SHISA9: variants seen among roughly 807,000 people sequenced by gnomAD.
The protein encoded by SHISA9 is protein shisa-9.
Under a neutral mutation model 38.0 loss-of-function variants are expected in SHISA9, and 13 were observed. The observed-to-expected ratio is 0.34, with a 90% CI of 0.22 to 0.54. The LOEUF is 0.54. SHISA9 is among the 20% of genes least tolerant of loss of function. The pLI is 0.91. For synonymous variants in SHISA9, 275 were observed against 242.0 expected (o/e 1.14, Z -1.27); for missense variants, 538 against 575.8 (o/e 0.93, Z 0.67).
At chr16:12,968,845 G>A (rs2072015903) in intron 2 of SHISA9, among the ~76,000 whole-genome samples, 2 of 152,164 alleles carry the variant, frequency 1.3e-5, no homozygotes, top group African/African-American at 4.8e-5. Context: ...GAGTGTGGCT[G>A]TGTTCCAATA....
chr16:13,195,518 G>A (rs2050929049), intron 2 of SHISA9, among the ~76,000 whole-genome samples: 1 of 152,188 alleles, frequency 6.6e-6, no homozygotes, highest in African/African-American at 2.4e-5. Flanking sequence ...TTCCACTCAA[G>A]GAGGTAGAGC....
intron 2 of SHISA9, among the ~76,000 whole-genome samples, chr16:13,084,383 A>T (rs944009968): frequency 5.9e-5 from 9 of 152,246 alleles, no homozygotes; most frequent in Admixed American, 3.3e-4. Flanking sequence ...AATCTTGATC[A>T]GGCAGTGAAT....
chr16:13,160,210 G>A (rs2050583265), intron 2 of SHISA9, among the ~76,000 whole-genome samples: 1 of 152,142 alleles, frequency 6.6e-6, no homozygotes, highest in South Asian at 2.1e-4. Context: ...GTGAGCTGGT[G>A]TGTTCTGGGT....
intron 2 of SHISA9, among the ~76,000 whole-genome samples, chr16:13,142,190 G>C (rs780788074): frequency 2.6e-5 from 4 of 152,180 alleles, no homozygotes; most frequent in Admixed American, 6.5e-5. Context: ...TGGACTGGGC[G>C]AAGTGGGAGT....
At chr16:13,506,236 G>A in the SHISA9 span, among the ~76,000 whole-genome samples, 35 of 152,148 alleles carry the variant, frequency 2.3e-4, no homozygotes, top group East Asian at 3.5e-3. Flanking sequence ...GCATTTACTC[G>A]ACAACTATAT....
At chr16:13,021,275 C>T (rs1246648000) in intron 2 of SHISA9, among the ~76,000 whole-genome samples, 1 of 152,048 alleles carries the variant, frequency 6.6e-6, no homozygotes, top group East Asian at 1.9e-4. Context: ...TGAGTAAAGG[C>T]CAGGGACGCT....
chr16:13,085,633 C>T (rs1452234291), intron 2 of SHISA9, among the ~76,000 whole-genome samples: 9 of 152,176 alleles, frequency 5.9e-5, no homozygotes, highest in Admixed American at 5.9e-4. Context: ...AAGGTCAAGT[C>T]TACGTTATGT....
At chr16:13,523,953 A>T in the SHISA9 span, among the ~76,000 whole-genome samples, 1 of 152,190 alleles carries the variant, frequency 6.6e-6, no homozygotes, top group Non-Finnish European at 1.5e-5. Context: ...AAGTACTACT[A>T]TTATTATCAC....
the SHISA9 span, among the ~76,000 whole-genome samples, chr16:13,251,509 C>G: frequency 6.6e-6 from 1 of 152,012 alleles, no homozygotes; most frequent in Non-Finnish European, 1.5e-5. Context: ...CTAATGGTTG[C>G]GGGGAGAGGG....
the SHISA9 span, among the ~76,000 whole-genome samples, chr16:13,559,557 A>T: frequency 5.2e-3 from 795 of 151,474 alleles, 3 homozygotes; most frequent in Non-Finnish European, 6.3e-3. Context: ...TTATATATAT[A>T]TTTTTTCTAG....
chr16:13,037,260 G>A (rs2073085652), intron 2 of SHISA9, among the ~76,000 whole-genome samples: 1 of 152,122 alleles, frequency 6.6e-6, no homozygotes, highest in South Asian at 2.1e-4. Flanking sequence ...CGGCAGGCAA[G>A]CGGGTGTAAG....
intron 2 of SHISA9, among the ~76,000 whole-genome samples, chr16:13,031,349 T>C (rs2072988943): frequency 6.6e-6 from 1 of 152,186 alleles, no homozygotes; most frequent in Non-Finnish European, 1.5e-5. Flanking sequence ...CAATAGTGTA[T>C]TCAGCCATTG....
At chr16:13,524,666 C>G in the SHISA9 span, among the ~76,000 whole-genome samples, 1 of 152,170 alleles carries the variant, frequency 6.6e-6, no homozygotes, top group Admixed American at 6.5e-5. Context: ...TCAAGCAATC[C>G]TCCTACCTCA....
At chr16:13,264,618 T>C in the SHISA9 span, among the ~76,000 whole-genome samples, 1 of 152,192 alleles carries the variant, frequency 6.6e-6, no homozygotes, top group Non-Finnish European at 1.5e-5. Flanking sequence ...TTCATTATTC[T>C]AAACAGAATG....
chr16:13,015,079 A>G (rs2072725008), intron 2 of SHISA9, among the ~76,000 whole-genome samples: 1 of 152,158 alleles, frequency 6.6e-6, no homozygotes, highest in African/African-American at 2.4e-5. Flanking sequence ...ATTGTCTCGT[A>G]TGTGTAGGTA....
At chr16:13,152,395 G>T (rs1246484545) in intron 2 of SHISA9, among the ~76,000 whole-genome samples, 1 of 152,180 alleles carries the variant, frequency 6.6e-6, no homozygotes. Flanking sequence ...ATAAGCAAGA[G>T]AAACTAACTT....
the SHISA9 span, among the ~76,000 whole-genome samples, chr16:13,384,201 A>T: frequency 1.3e-5 from 2 of 152,172 alleles, no homozygotes; most frequent in Non-Finnish European, 2.9e-5. Context: ...CGAAAAATTC[A>T]GGATAGGAAC....
intron 2 of SHISA9, among the ~76,000 whole-genome samples, chr16:13,059,121 CTTTT>C (rs3075088): frequency 4.3e-4 from 32 of 74,864 alleles, no homozygotes; most frequent in Middle Eastern, 0.011. Flanking sequence ...AAAACTCTAT[CTTTT>C]TTTTTTTTTT....
the SHISA9 span, among the ~76,000 whole-genome samples, chr16:13,459,918 A>T: frequency 1.3e-5 from 2 of 151,996 alleles, no homozygotes; most frequent in Non-Finnish European, 2.9e-5. Flanking sequence ...GATTATGAAT[A>T]TTTTTTTAAC....
Sources: allele counts gnomAD v4.1 joint callset (sites outside exome capture counted in the v4.1 genomes callset), GRCh38; gene constraint gnomAD v4.1.1; transcripts MANE v1.5; gene names NCBI Gene and HGNC (gene_info 2026-07-23, HGNC 2026-07-21).